The following BCCIP variants were observed in gnomAD, a reference collection of about 807,000 sequenced individuals.
The protein encoded by BCCIP is BRCA2 and CDKN1A interacting protein, also known as BRCA2 and CDKN1A-interacting protein.
BCCIP carries 23 observed loss-of-function variants against 32.8 expected under a neutral mutation model. That is an observed-to-expected ratio of 0.70 (90% confidence interval 0.51 to 0.99). The LOEUF is 0.99. BCCIP is among the 50% of genes least tolerant of loss of function. The pLI, the probability that BCCIP is intolerant of heterozygous loss-of-function variation, is 0.00. For missense variants in BCCIP, 378 were observed against 379.8 expected, an observed-to-expected ratio of 1.00 and a Z score of 0.04; for synonymous variants, 144 against 137.6, an observed-to-expected ratio of 1.05 and a Z score of -0.33.
At chr10:125,836,602 C>A (rs1564820937), downstream of BCCIP, 1 of 1,499,022 alleles carries the variant, frequency 6.7e-7, no homozygotes, top group Non-Finnish European at 9.0e-7. Context: ...TGAAATCCGT[C>A]TTCGCGTCAT....
chr10:125,828,943 T>TC (rs1192797170), intron 3 of BCCIP, among the ~76,000 whole-genome samples: 1 of 152,148 alleles, frequency 6.6e-6, no homozygotes, highest in Non-Finnish European at 1.5e-5. Context: ...TTAGTTCTTC[T>TC]CCATGTGGGC....
At chr10:125,838,244 G>A (rs771795482), downstream of BCCIP, 24 of 1,612,290 alleles carry the variant, frequency 1.5e-5, no homozygotes, top group Middle Eastern at 3.3e-4. Context: ...TGATGTAGTT[G>A]TTCTCAGAAA....
At chr10:125,844,126 A>G (rs1854950296), downstream of BCCIP, among the ~76,000 whole-genome samples, 1 of 152,178 alleles carries the variant, frequency 6.6e-6, no homozygotes, top group Non-Finnish European at 1.5e-5. Context: ...AAATAAACAG[A>G]TGGGCTATTC....
At chr10:125,826,528 C>G in intron 1 of BCCIP, 63 bp from the exon 2 acceptor site, 1 of 1,597,918 alleles carries the variant, frequency 6.3e-7, no homozygotes, top group Non-Finnish European at 8.5e-7. Context: ...CAATGTTTGC[C>G]TGTTTTAAAG....
intron 7 of BCCIP, among the ~76,000 whole-genome samples, chr10:125,851,126 T>C (rs926238419): frequency 2.6e-5 from 4 of 152,244 alleles, no homozygotes; most frequent in Admixed American, 6.5e-5. Flanking sequence ...ACATGGTTCA[T>C]GCATCCTGAA....
chr10:125,838,268 G>A (rs1247980204), downstream of BCCIP: 3 of 1,613,634 alleles, frequency 1.9e-6, no homozygotes, highest in Non-Finnish European at 2.5e-6. Flanking sequence ...TGAATTTATG[G>A]AAGAGGACCC....
downstream of BCCIP, among the ~76,000 whole-genome samples, chr10:125,837,771 C>T (rs774073387): frequency 5.9e-5 from 9 of 152,182 alleles, no homozygotes; most frequent in Non-Finnish European, 1.0e-4. Flanking sequence ...TTGCTGTGTA[C>T]TGCACTTAGA....
exon 8 of BCCIP, chr10:125,853,274 CT>C: frequency 2.2e-6 from 3 of 1,380,032 alleles, no homozygotes; most frequent in African/African-American, 1.5e-5. Context: ...GGCTCATAGT[CT>C]CCTGGAGGGA....
Position 125,830,484 on chromosome 10 carries a change from C to T in BCCIP, c.322-78C>T, listed in dbSNP as rs933981929. 2.3e-5 allele frequency: 20 copies of T among 856,084 alleles called. No individual in the cohort carries two copies. In the Admixed American group the frequency reaches 4.3e-4, roughly 18 times the overall value. The allele number at this position is 856,084 out of a possible 1,614,324, so 53.0% of individuals were successfully genotyped here. ...TTGAAAAGTGAAAAGATAAATGAGGCCTACATCCCAAGACTTGGTTTTATA... is the reference window on the plus strand; with the variant it reads ...TTGAAAAGTGAAAAGATAAATGAGGTCTACATCCCAAGACTTGGTTTTATA... On this transcript the variant is annotated intron_variant, in intron 3 of 6. Transcript: ENST00000278100.
chr10:125,847,756 G>A (rs1271212970), downstream of BCCIP, among the ~76,000 whole-genome samples: 1 of 152,066 alleles, frequency 6.6e-6, no homozygotes, highest in Non-Finnish European at 1.5e-5. Flanking sequence ...TAACTAGACG[G>A]TCCCATCTGG....
chr10:125,852,064 C>G (rs1371083610), intron 7 of BCCIP, among the ~76,000 whole-genome samples: 1 of 152,156 alleles, frequency 6.6e-6, no homozygotes, highest in Non-Finnish European at 1.5e-5. Context: ...CAGTGTCCAA[C>G]AGCAGACACA....
intron 1 of BCCIP, chr10:125,825,972 C>T: frequency 6.5e-6 from 1 of 154,016 alleles, no homozygotes. Context: ...GTTCCCTGTA[C>T]CAGGAACTCT....
intron 4 of BCCIP, 134 bp downstream of exon 4, chr10:125,830,785 T>C (rs1288582396): frequency 8.0e-6 from 5 of 623,446 alleles, no homozygotes; most frequent in African/African-American, 1.9e-5. Flanking sequence ...TGAAATCTTA[T>C]TGTAATCCTT....
At chr10:125,842,888 A>G (rs1416613730), downstream of BCCIP, 1 of 594,080 alleles carries the variant, frequency 1.7e-6, no homozygotes, top group African/African-American at 2.0e-5. Flanking sequence ...TCTTTACCAA[A>G]GTTTTTAAAA....
In BCCIP at chr10:125,836,387, AG is replaced by A. The variant is rs1854685614; in HGVS notation, c.*116del. 3 of 1,551,940 alleles carry A rather than the reference AG, an allele frequency of 1.9e-6. No homozygotes were observed. In the East Asian group the frequency reaches 7.0e-5, roughly 36 times the overall value. On this transcript the variant is annotated 3_prime_UTR_variant, in exon 7 of 7. Coordinates refer to ENST00000278100, the MANE Select transcript of BCCIP (RefSeq NM_078468.3). Reference sequence around the variant, plus strand: ...CAGATTAAGTTCCTCTACAAAAAGTAGGGTTCTGTCCCATGTGTCTCTGACA... The same window carrying A: ...CAGATTAAGTTCCTCTACAAAAAGTAGGTTCTGTCCCATGTGTCTCTGACA...
At chr10:125,838,947 T>C (rs1245408984), downstream of BCCIP, 1 of 1,535,828 alleles carries the variant, frequency 6.5e-7, no homozygotes, top group African/African-American at 1.4e-5. Flanking sequence ...CAGCATATCC[T>C]GAGTATGTGC....
At chr10:125,836,729 A>C, downstream of BCCIP, 2 of 1,614,162 alleles carry the variant, frequency 1.2e-6, no homozygotes, top group South Asian at 1.1e-5. Flanking sequence ...GGCACGTCTC[A>C]CACATTTGCT....
At chr10:125,834,111 T>C in intron 6 of BCCIP, 165 bp downstream of exon 6, 1 of 709,006 alleles carries the variant, frequency 1.4e-6, no homozygotes, top group East Asian at 2.7e-5. Context: ...GCCAGGTGCA[T>C]AGTAGGTACT....
At position 125,823,650 on chromosome 10, in the gene BCCIP, A is replaced by T. The variant is rs1854242360; in HGVS notation, c.93A>T (p.Glu31Asp). 9 of 1,614,204 alleles carry T rather than the reference A, an allele frequency of 5.6e-6. 1 individual carries two copies. The African/African-American group carries it at 1.1e-4, about 19-fold the overall frequency. ...PVQRDEEEEKEVENEDEDDDD... is the reference protein window; with the variant it reads ...PVQRDEEEEKDVENEDEDDDD... Reference sequence around the variant, plus strand: ...AGCGCGACGAGGAAGAGGAAAAAGAAGTCGAAAATGAGGATGAAGACGATG... The same window carrying T: ...AGCGCGACGAGGAAGAGGAAAAAGATGTCGAAAATGAGGATGAAGACGATG... Residue 31 changes from glutamate (E) to aspartate (D), a missense_variant, in exon 1 of 7, where the codon GAA (glutamate) becomes GAT (aspartate). Transcript: ENST00000278100.
Sources: gnomAD v4.1 joint callset for allele counts (sites outside exome capture counted in the v4.1 genomes callset) on GRCh38, gnomAD v4.1.1 for gene constraint, MANE v1.5 for transcripts, NCBI Gene and HGNC (gene_info 2026-07-23, HGNC 2026-07-21) for gene names.